The following PXK variants were observed in gnomAD, a reference collection of about 807,000 sequenced individuals.
PXK encodes the protein PX domain-containing protein kinase-like protein.
Under a neutral mutation model 84.7 loss-of-function variants are expected in PXK, and 35 were observed. That is an observed-to-expected ratio of 0.41 (90% confidence interval 0.32 to 0.55). The LOEUF (loss-of-function observed/expected upper bound fraction) is 0.55. Among genes scored for constraint, PXK ranks in the 20% least tolerant of loss-of-function variants. The pLI is 0.21. For missense variants in PXK, 634 were observed against 699.7 expected (o/e 0.91, Z 1.06); for synonymous variants, 253 against 260.8 (o/e 0.97, Z 0.29).
intron 13 of PXK, among the ~76,000 whole-genome samples, 183 bp from the exon 14 acceptor site, chr3:58,408,741 C>T: frequency 6.6e-6 from 1 of 152,106 alleles, no homozygotes; most frequent in Non-Finnish European, 1.5e-5. Flanking sequence ...CCAGGATGGT[C>T]TCCATCTCCT....
In PXK at chr3:58,397,686, G is replaced by C; in HGVS notation, c.1066G>C (p.Val356Leu). Reference sequence around the variant, plus strand: ...TGGACGACCGCCAGACTCGGTGCCTGTGGACTCCTTCCCTCCTGCCCCGTC... The same window carrying C: ...TGGACGACCGCCAGACTCGGTGCCTCTGGACTCCTTCCCTCCTGCCCCGTC... ...TYGRPPDSVP[V>L]DSFPPAPSMA... is the part of the protein sequence containing the mutation. Residue 356 changes from valine (V) to leucine (L), a missense_variant, in exon 11 of 18, where the codon GTG (valine) becomes CTG (leucine). By Grantham distance (32) the Val-to-Leu change is conservative. Coordinates refer to ENST00000356151, the MANE Select transcript of PXK (RefSeq NM_017771.5). This position sits in a 1 kb window ranked among gnomAD's most constrained non-coding sequence, Gnocchi z 4.7. 6.2e-7 allele frequency: 1 copy of C among 1,614,058 alleles called. No homozygotes were observed. The highest frequency in any genetic ancestry group is 2.2e-5 in the East Asian group (1 of 44,882).
At position 58,383,820 on chromosome 3, in the gene PXK, G is replaced by A. The variant is rs1282804182; in HGVS notation, c.388+1120G>A. On this transcript the variant is annotated intron_variant, in intron 4 of 17. Transcript: ENST00000356151. The surrounding 1 kb of genome is among the most constrained non-coding windows in gnomAD (Gnocchi z 4.0). The stretch of plus-strand genomic sequence containing the variant: ...GATATTGTTACTTTGCTTGCTAAGA[G>A]AATACACCATATCAGATAATTGAGT... Among the ~76,000 whole-genome samples the A allele has an allele frequency of 6.6e-6, 1 of 152,210 alleles. No homozygotes were observed. Among genetic ancestry groups the A allele is most frequent in the Non-Finnish European group, 1.5e-5 (1 of 68,048 alleles).
In PXK at chr3:58,399,148, C is replaced by T; in HGVS notation, c.1103-151C>T. The T allele has an allele frequency of 1.5e-6, 1 of 683,444 alleles. No homozygotes were observed. Among genetic ancestry groups the T allele is most frequent in the Non-Finnish European group, 2.7e-6 (1 of 374,042 alleles). 42.3% of individuals were successfully genotyped at this position (683,444 alleles called of 1,614,324 possible). ...CAGTGTTGCCAGCATTCCCCCACCC[C>T]ACGTATGCCATCTGTCTGTGTGTGA... On this transcript the variant is annotated intron_variant, in intron 11 of 17. Transcript: ENST00000356151. The surrounding 1 kb of genome is among the most constrained non-coding windows in gnomAD (Gnocchi z 4.3).
chr3:58,358,510 G>A (rs2098128314), intron 1 of PXK, among the ~76,000 whole-genome samples: 1 of 152,208 alleles, frequency 6.6e-6, no homozygotes, highest in Admixed American at 6.5e-5. Flanking sequence ...GACAGCAGAA[G>A]TAACTCCCAC....
intron 3 of PXK, among the ~76,000 whole-genome samples, chr3:58,371,434 G>A (rs182250738): frequency 1.2e-3 from 183 of 152,316 alleles, no homozygotes; most frequent in Middle Eastern, 3.4e-3. Flanking sequence ...TAAGCATTTG[G>A]GAATTAACAG....
At chr3:58,369,389 T>G (rs2098329042) in intron 2 of PXK, 42 bp from the exon 3 acceptor site, 4 of 1,469,108 alleles carry the variant, frequency 2.7e-6, no homozygotes, top group Non-Finnish European at 3.8e-6. Context: ...TGAAAAGAGA[T>G]AGTCTTTGCT....
chr3:58,397,214 G>A lies in PXK; in HGVS notation c.984+14G>A. The A allele has an allele frequency of 6.2e-7, 1 of 1,612,570 alleles. No homozygotes were observed. Among genetic ancestry groups the A allele is most frequent in the Non-Finnish European group, 8.5e-7 (1 of 1,178,702 alleles). On this transcript the variant is annotated intron_variant, in intron 10 of 17. Coordinates refer to ENST00000356151, the MANE Select transcript of PXK (RefSeq NM_017771.5). This position sits in a 1 kb window ranked among gnomAD's most constrained non-coding sequence, Gnocchi z 4.7. ...AGGAAAATCAATGTAAGTTGCTAAAGTAATGAAATAGCAGGTTCATTTTTA... is the reference window on the plus strand; with the variant it reads ...AGGAAAATCAATGTAAGTTGCTAAAATAATGAAATAGCAGGTTCATTTTTA...
chr3:58,347,092 C>T (rs1026742233), intron 1 of PXK, among the ~76,000 whole-genome samples: 3 of 152,134 alleles, frequency 2.0e-5, no homozygotes, highest in African/African-American at 2.4e-5. Flanking sequence ...CCACCTGCCT[C>T]GGCTTCCCAA....
At position 58,336,361 on chromosome 3, in the gene PXK, C is replaced by T. The variant is rs545652137; in HGVS notation, c.102+3271C>T. ...TTGGATGAGCAACTGGCAGAAAGGA[C>T]ATGTGTTGGTAGGTGATTCTGTGCT... On this transcript the variant is annotated intron_variant, in intron 1 of 17. Coordinates refer to ENST00000356151, the MANE Select transcript of PXK (RefSeq NM_017771.5). Among the ~76,000 whole-genome samples the T allele has an allele frequency of 1.6e-4, 24 of 152,072 alleles. 1 individual carries two copies. The highest frequency in any genetic ancestry group is 4.1e-4 in the South Asian group (2 of 4,830).
At chr3:58,354,268 G>A (rs1009191606) in intron 1 of PXK, among the ~76,000 whole-genome samples, 2 of 152,124 alleles carry the variant, frequency 1.3e-5, no homozygotes, top group African/African-American at 4.8e-5. Context: ...GGGATTTCTA[G>A]AGGCTCAGGT....
chr3:58,368,976 C>T (rs1334107798), intron 2 of PXK, among the ~76,000 whole-genome samples: 1 of 152,200 alleles, frequency 6.6e-6, no homozygotes, highest in Admixed American at 6.5e-5. Context: ...CAATGCAGTC[C>T]AGTCTCCAGG....
At chr3:58,369,567 T>A in intron 3 of PXK, 89 bp downstream of exon 3, 1 of 1,035,844 alleles carries the variant, frequency 9.7e-7, no homozygotes, top group East Asian at 2.4e-5. Flanking sequence ...GCTCAACGCC[T>A]GTAATCCCAG....
At position 58,364,441 on chromosome 3, in the gene PXK, G is replaced by GTGGCT. The variant is rs1239468429; in HGVS notation, c.103-1432_103-1428dup. ...TATAAATCATTATAGGCTGGGCGCG[G>GTGGCT]TGGCTCACGCCTGTAATCCCAGCAC... On this transcript the variant is annotated intron_variant, in intron 1 of 17. Transcript: ENST00000356151. This position sits in a 1 kb window ranked among gnomAD's most constrained non-coding sequence, Gnocchi z 4.3. Among the ~76,000 whole-genome samples, 5 of 152,160 alleles carry GTGGCT rather than the reference G, an allele frequency of 3.3e-5. No homozygotes were observed. The highest frequency in any genetic ancestry group is 1.2e-4 in the African/African-American group (5 of 41,424).
At chr3:58,377,872 A>G (rs1381367534) in intron 3 of PXK, among the ~76,000 whole-genome samples, 1 of 152,236 alleles carries the variant, frequency 6.6e-6, no homozygotes, top group Non-Finnish European at 1.5e-5. Context: ...TGAGATGGGA[A>G]GCAGATAATC....
rs1156459833 is a variant in PXK, at chr3:58,403,845, G to C, written c.1182-17G>C. The C allele has an allele frequency of 1.3e-6, 2 of 1,517,694 alleles. No individual in the cohort carries two copies. Among genetic ancestry groups the C allele is most frequent in the Admixed American group, 3.6e-5 (2 of 55,478 alleles). The allele number at this position is 1,517,694 out of a possible 1,614,324, so 94.0% of individuals were successfully genotyped here. On this transcript the variant is annotated splice_polypyrimidine_tract_variant and intron_variant, in intron 12 of 17. Transcript: ENST00000356151. ...CGTGGTTCAAGAAAGATTTTTGTTT[G>C]TTTCTTTTCTTTACAGATTATTCAG...
intron 2 of PXK, among the ~76,000 whole-genome samples, chr3:58,367,213 A>G (rs899115143): frequency 2.6e-5 from 4 of 152,130 alleles, no homozygotes; most frequent in South Asian, 2.1e-4. Context: ...AGACAGATTA[A>G]TAAGGGAAAA....
rs1266433230 is a variant in PXK, at chr3:58,421,795, T to C, written c.1529-2957T>C. 6.3e-5 allele frequency: 62 copies of C among 985,224 alleles called. No individual in the cohort carries two copies. The highest frequency in any genetic ancestry group is 7.1e-5 in the Non-Finnish European group (59 of 829,928). 61.0% of individuals were successfully genotyped at this position (985,224 alleles called of 1,614,324 possible). A position where few individuals can be genotyped will look rare whatever the true frequency, so the allele number is the denominator to read the frequency against. ...AGAGTAAGTAGTTGGCTCTCAGGGA[T>C]TTTGTCTAAGAGAAAGTGAGATGGG... On this transcript the variant is annotated intron_variant, in intron 17 of 17. Transcript: ENST00000356151. The surrounding 1 kb of genome is among the most constrained non-coding windows in gnomAD (Gnocchi z 5.5).
chr3:58,369,794 A>C (rs1259064574), intron 3 of PXK, among the ~76,000 whole-genome samples: 1 of 150,694 alleles, frequency 6.6e-6, no homozygotes, highest in Non-Finnish European at 1.5e-5. Context: ...ATTGCACTCC[A>C]GCCTGGGCAA....
chr3:58,345,596 G>A (rs1190790286), intron 1 of PXK, among the ~76,000 whole-genome samples: 1 of 152,078 alleles, frequency 6.6e-6, no homozygotes, highest in Non-Finnish European at 1.5e-5. Flanking sequence ...GTTTATTATG[G>A]ATGTAAATGA....
Sources: allele counts gnomAD v4.1 joint callset (sites outside exome capture counted in the v4.1 genomes callset), GRCh38; gene constraint gnomAD v4.1.1; non-coding constraint Gnocchi (gnomAD v3.1); transcripts MANE v1.5; gene names NCBI Gene and HGNC (gene_info 2026-07-23, HGNC 2026-07-21).